The following AK5 variants were observed in gnomAD, a reference collection of about 807,000 sequenced individuals.
AK5 encodes adenylate kinase 5.
AK5 carries 27 observed loss-of-function variants against 69.5 expected under a neutral mutation model. The observed-to-expected ratio is 0.39, with a 90% CI of 0.29 to 0.54. The LOEUF is 0.54. Among genes scored for constraint, AK5 ranks in the 20% least tolerant of loss-of-function variants. AK5 has a pLI of 0.71. For missense variants in AK5, 531 were observed against 700.4 expected (o/e 0.76, Z 2.73); for synonymous variants, 260 against 244.4 (o/e 1.06, Z -0.60).
chr1:77,423,931 A>G (rs1215129050), intron 8 of AK5, among the ~76,000 whole-genome samples: 10 of 152,226 alleles, frequency 6.6e-5, no homozygotes, highest in Admixed American at 6.5e-4. Context: ...CTAGAGCAAG[A>G]GAAAACCCAA....
intron 8 of AK5, among the ~76,000 whole-genome samples, chr1:77,432,728 T>G (rs916353475): frequency 6.6e-6 from 1 of 152,164 alleles, no homozygotes; most frequent in African/African-American, 2.4e-5. Context: ...GTATAACATG[T>G]AGTATTAGTG....
chr1:77,401,974 C>T (rs1649244659), intron 6 of AK5, among the ~76,000 whole-genome samples: 1 of 152,222 alleles, frequency 6.6e-6, no homozygotes, highest in Admixed American at 6.5e-5. Flanking sequence ...ATGCAGACCA[C>T]ATCCTCTGCA....
At chr1:77,513,341 T>A (rs1173794034) in intron 10 of AK5, among the ~76,000 whole-genome samples, 1 of 152,174 alleles carries the variant, frequency 6.6e-6, no homozygotes, top group Non-Finnish European at 1.5e-5. Flanking sequence ...GTGATGATGG[T>A]TCCCCTGTCC....
intron 6 of AK5, among the ~76,000 whole-genome samples, chr1:77,368,017 G>A (rs1156238518): frequency 1.6e-5 from 2 of 121,864 alleles, no homozygotes; most frequent in Non-Finnish European, 3.3e-5. Context: ...CAGGTAGACC[G>A]TTGACTTTTA....
intron 13 of AK5, among the ~76,000 whole-genome samples, chr1:77,538,881 C>T (rs1659127484): frequency 6.6e-6 from 1 of 152,146 alleles, no homozygotes; most frequent in Non-Finnish European, 1.5e-5. Flanking sequence ...TTCCTTAGAG[C>T]TTTCTAAGTT....
At chr1:77,322,586 C>A (rs979350542) in intron 5 of AK5, among the ~76,000 whole-genome samples, 1 of 152,082 alleles carries the variant, frequency 6.6e-6, no homozygotes, top group South Asian at 2.1e-4. Context: ...TAAAAACGGT[C>A]TTTGAACTAA....
rs575285812 is a variant in AK5, at chr1:77,442,351, C to G, written c.1059+24636C>G. On this transcript the variant is annotated intron_variant, in intron 8 of 13. Coordinates refer to ENST00000354567, the MANE Select transcript of AK5 (RefSeq NM_174858.3). ...GGGCACAGAGGGTGGGGCTCCTTCT[C>G]TAGAGGGAAGAGAGCTATATGGACT... Among the ~76,000 whole-genome samples, 37 of 152,280 alleles carry G rather than the reference C, an allele frequency of 2.4e-4. No homozygotes were observed. In the South Asian group the frequency reaches 4.4e-3, roughly 18 times the overall value.
At chr1:77,312,547 G>C (rs561525338) in intron 5 of AK5, among the ~76,000 whole-genome samples, 1 of 151,556 alleles carries the variant, frequency 6.6e-6, no homozygotes, top group Non-Finnish European at 1.5e-5. Context: ...GCCAGGAGGC[G>C]GAGGTTGCAG....
At chr1:77,404,766 C>A (rs941889075) in intron 6 of AK5, among the ~76,000 whole-genome samples, 3 of 152,194 alleles carry the variant, frequency 2.0e-5, no homozygotes, top group African/African-American at 7.2e-5. Context: ...ATGTTATCTT[C>A]ATTCCTCATG....
Position 77,559,965 on chromosome 1 carries a change from G to T in AK5, c.*1295G>T, listed in dbSNP as rs1205210613. 2.0e-5 allele frequency: 3 copies of T among 152,504 alleles called. No homozygotes were observed. The highest frequency in any genetic ancestry group is 7.2e-5 in the African/African-American group (3 of 41,488). 9.4% of individuals were successfully genotyped at this position (152,504 alleles called of 1,614,324 possible). On this transcript the variant is annotated 3_prime_UTR_variant, in exon 14 of 14. Transcript: ENST00000354567. Reference sequence around the variant, plus strand: ...TACAAATAAAATAAATGGAAGACAGGATAACTCTTTTTCTATTTATTTGTA... The same window carrying T: ...TACAAATAAAATAAATGGAAGACAGTATAACTCTTTTTCTATTTATTTGTA...
At chr1:77,529,598 T>C (rs1363496687) in intron 12 of AK5, among the ~76,000 whole-genome samples, 3 of 152,170 alleles carry the variant, frequency 2.0e-5, no homozygotes, top group Non-Finnish European at 4.4e-5. Flanking sequence ...GCAGGGACTA[T>C]AGGCGTGAGC....
intron 5 of AK5, among the ~76,000 whole-genome samples, chr1:77,310,419 G>T (rs1270849047): frequency 6.6e-6 from 1 of 151,806 alleles, no homozygotes; most frequent in African/African-American, 2.4e-5. Flanking sequence ...TTACTCAGTA[G>T]CCCAGGCTGG....
At chr1:77,380,237 A>T (rs1190330356) in intron 6 of AK5, among the ~76,000 whole-genome samples, 1 of 152,186 alleles carries the variant, frequency 6.6e-6, no homozygotes, top group African/African-American at 2.4e-5. Flanking sequence ...GCAAAACCCA[A>T]GCCTAGAGCC....
intron 8 of AK5, among the ~76,000 whole-genome samples, chr1:77,447,412 C>G (rs1044924585): frequency 5.9e-5 from 9 of 152,194 alleles, no homozygotes; most frequent in African/African-American, 2.2e-4. Flanking sequence ...CTATGCATAG[C>G]TGGCATGCTC....
intron 5 of AK5, among the ~76,000 whole-genome samples, chr1:77,312,611 T>TAA (rs5775383): frequency 8.1e-5 from 10 of 123,228 alleles, no homozygotes; most frequent in African/African-American, 1.8e-4. Context: ...CGAGTCTGTC[T>TAA]AAAAAAAAAA....
intron 8 of AK5, among the ~76,000 whole-genome samples, chr1:77,442,368 A>G (rs1439833831): frequency 1.3e-5 from 2 of 152,200 alleles, no homozygotes; most frequent in South Asian, 4.1e-4. Context: ...GAAGAGAGCT[A>G]TATGGACTCC....
chr1:77,556,871 AACCCACCAACCAAG>A (rs1053194304), intron 13 of AK5, among the ~76,000 whole-genome samples: 1 of 152,084 alleles, frequency 6.6e-6, no homozygotes, highest in Admixed American at 6.5e-5. Flanking sequence ...ACCCAGCCCA[AACCCACCAACCAAG>A]ACCCTCTGCA....
chr1:77,497,691 G>C (rs1350057108), intron 10 of AK5, among the ~76,000 whole-genome samples: 1 of 148,516 alleles, frequency 6.7e-6, no homozygotes, highest in Admixed American at 6.7e-5. Flanking sequence ...AAGTTCAGGT[G>C]ATCCTCCCAC....
chr1:77,502,455 G>A (rs1656771629), intron 10 of AK5, among the ~76,000 whole-genome samples: 1 of 152,112 alleles, frequency 6.6e-6, no homozygotes, highest in African/African-American at 2.4e-5. Context: ...CACCTGCAAG[G>A]GAGGCTAATA....
Sources: allele counts gnomAD v4.1 joint callset (sites outside exome capture counted in the v4.1 genomes callset), GRCh38; gene constraint gnomAD v4.1.1; transcripts MANE v1.5; gene names NCBI Gene and HGNC (gene_info 2026-07-23, HGNC 2026-07-21).